ADAM22: variants seen among roughly 807,000 people sequenced by gnomAD.
ADAM22 encodes ADAM metallopeptidase domain 22.
ADAM22 carries 65 observed loss-of-function variants against 144.6 expected under a neutral mutation model. The observed-to-expected ratio is 0.45, with a 90% CI of 0.37 to 0.55. The LOEUF is 0.55. Ranked by LOEUF, ADAM22 falls within the 20% of genes least tolerant of loss-of-function variation. The pLI is 0.00. For synonymous variants in ADAM22, 391 were observed against 412.6 expected (o/e 0.95, Z 0.63); for missense variants, 974 against 1,184.9 (o/e 0.82, Z 2.61).
At chr7:87,954,614 ATG>A (rs536427121) in intron 2 of ADAM22, among the ~76,000 whole-genome samples, 2 of 152,084 alleles carry the variant, frequency 1.3e-5, no homozygotes, top group South Asian at 4.2e-4. Context: ...TCTGACAATT[ATG>A]TGTCTTGGAG....
chr7:87,954,632 C>G (rs1846165060), intron 2 of ADAM22, among the ~76,000 whole-genome samples: 1 of 152,038 alleles, frequency 6.6e-6, no homozygotes, highest in South Asian at 2.1e-4. Context: ...TGGAGTTGCT[C>G]TTCTCGAGGA....
At position 88,114,656 on chromosome 7, in the gene ADAM22, T is replaced by C. The variant is rs1332642239; in HGVS notation, c.537+9T>C. On this transcript the variant is annotated intron_variant, in intron 6 of 31. Coordinates refer to ENST00000413139, the MANE Select transcript of ADAM22 (RefSeq NM_001324418.2). ...AAAATGACACTACTCAAGTAAGTGC[T>C]CCTTCTGTTTGTTGTGGCAAATGGA... 1 of 1,613,452 alleles carries C rather than the reference T, an allele frequency of 6.2e-7. No homozygotes were observed. The highest frequency in any genetic ancestry group is 8.5e-7 in the Non-Finnish European group (1 of 1,179,612).
At chr7:87,976,245 C>G (rs897280909) in intron 2 of ADAM22, among the ~76,000 whole-genome samples, 2 of 152,118 alleles carry the variant, frequency 1.3e-5, no homozygotes, top group Admixed American at 1.3e-4. Flanking sequence ...TATGCCCTCC[C>G]CACATTTAAA....
intron 2 of ADAM22, among the ~76,000 whole-genome samples, chr7:87,946,190 G>A (rs1435984705): frequency 6.6e-6 from 1 of 152,050 alleles, no homozygotes; most frequent in East Asian, 1.9e-4. Flanking sequence ...CTTTTGAGGA[G>A]TGTCTATGTC....
At chr7:88,064,561 C>T (rs1239261878) in intron 3 of ADAM22, among the ~76,000 whole-genome samples, 3 of 152,130 alleles carry the variant, frequency 2.0e-5, no homozygotes, top group African/African-American at 7.2e-5. Flanking sequence ...GATCAAGGCA[C>T]TGGCAGATTC....
At chr7:88,168,085 C>T (rs572015941) in intron 24 of ADAM22, 52 bp from the exon 25 acceptor site, 21 of 1,504,148 alleles carry the variant, frequency 1.4e-5, no homozygotes, top group African/African-American at 2.8e-5. Context: ...AATAAAGTTT[C>T]TGAAAGGATT....
chr7:88,053,610 AAGAAAGAAAG>A (rs1250745755), intron 3 of ADAM22, among the ~76,000 whole-genome samples: 1 of 109,896 alleles, frequency 9.1e-6, no homozygotes, highest in Non-Finnish European at 2.1e-5. Flanking sequence ...GAAAGAAAGA[AAGAAAGAAAG>A]AAAGAAAGAA....
chr7:88,195,192 ATTTG>A (rs778444659), intron 31 of ADAM22, among the ~76,000 whole-genome samples: 8 of 152,112 alleles, frequency 5.3e-5, no homozygotes, highest in African/African-American at 7.2e-5. Flanking sequence ...CATAGGCTTT[ATTTG>A]TTTATGTTTA....
At chr7:88,142,968 C>T in intron 14 of ADAM22, 58 bp from the exon 15 acceptor site, 2 of 1,065,336 alleles carry the variant, frequency 1.9e-6, no homozygotes, top group Non-Finnish European at 2.9e-6. Context: ...AGTTTTCAGA[C>T]ATTCACAAAT....
Position 87,958,199 on chromosome 7 carries a change from T to A in ADAM22, c.247-20137T>A, listed in dbSNP as rs1847233121. On this transcript the variant is annotated intron_variant, in intron 2 of 31. Coordinates refer to ENST00000413139, the MANE Select transcript of ADAM22 (RefSeq NM_001324418.2). ...GACATTGGCATGAGTTTCTATGGAGTATATATTTGGAAGTGAAATTGTTGA... is the reference window on the plus strand; with the variant it reads ...GACATTGGCATGAGTTTCTATGGAGAATATATTTGGAAGTGAAATTGTTGA... 2.0e-5 allele frequency among the ~76,000 whole-genome samples: 3 copies of A among 152,116 alleles called. 1 individual carries two copies.
chr7:88,113,440 A>G (rs1826597141), intron 5 of ADAM22, among the ~76,000 whole-genome samples: 1 of 150,562 alleles, frequency 6.6e-6, no homozygotes, highest in African/African-American at 2.4e-5. Context: ...TTATTGTAAC[A>G]TAGTATCTGG....
At chr7:87,952,756 T>C (rs572859530) in intron 2 of ADAM22, among the ~76,000 whole-genome samples, 1 of 152,340 alleles carries the variant, frequency 6.6e-6, no homozygotes, top group East Asian at 1.9e-4. Flanking sequence ...AATTCGGCTG[T>C]GAATCCATCT....
At chr7:88,181,653 T>A (rs1847051608) in intron 28 of ADAM22, 48 bp downstream of exon 28, 1 of 1,490,164 alleles carries the variant, frequency 6.7e-7, no homozygotes, top group Non-Finnish European at 9.3e-7. Flanking sequence ...TCAAGTTCTA[T>A]ATTCTGTGGC....
In ADAM22 at chr7:87,939,267, A is replaced by G. The variant is rs374527749; in HGVS notation, c.246+4081A>G. Among the ~76,000 whole-genome samples, 6 of 152,374 alleles carry G rather than the reference A, an allele frequency of 3.9e-5. No homozygotes were observed. In the East Asian group the frequency reaches 7.7e-4, roughly 20 times the overall value. ...ATATCCAACCAAAGAGGCAGTAAGT[A>G]CATAGGTACATGGGAATCAGGGTAT... On this transcript the variant is annotated intron_variant, in intron 2 of 31. Transcript: ENST00000413139.
chr7:87,960,920 C>T (rs1046557388), intron 2 of ADAM22, among the ~76,000 whole-genome samples: 3 of 152,052 alleles, frequency 2.0e-5, no homozygotes, highest in African/African-American at 7.2e-5. Flanking sequence ...TGTTCTGTGC[C>T]TTTGGGATAC....
chr7:88,044,780 C>T (rs947241954), intron 3 of ADAM22, among the ~76,000 whole-genome samples: 2 of 151,504 alleles, frequency 1.3e-5, no homozygotes, highest in Non-Finnish European at 2.9e-5. Context: ...GGCTGGAGTG[C>T]AGTGGCGCGA....
chr7:88,066,056 T>A (rs1378437006), intron 3 of ADAM22, among the ~76,000 whole-genome samples: 1 of 152,174 alleles, frequency 6.6e-6, no homozygotes, highest in Admixed American at 6.6e-5. Context: ...AAAAATTGCT[T>A]TATCAGAAGA....
intron 2 of ADAM22, among the ~76,000 whole-genome samples, chr7:87,944,453 C>T (rs1404671175): frequency 2.0e-5 from 3 of 152,150 alleles, no homozygotes; most frequent in African/African-American, 7.2e-5. Flanking sequence ...TTTGGGATAT[C>T]CTGTTAGTGT....
At chr7:88,112,605 ATCTG>A (rs1464121363) in intron 5 of ADAM22, among the ~76,000 whole-genome samples, 1 of 152,196 alleles carries the variant, frequency 6.6e-6, no homozygotes, top group African/African-American at 2.4e-5. Context: ...AGCTATCAGA[ATCTG>A]TCTGAGTGGG....
Sources: gnomAD v4.1 joint callset for allele counts (sites outside exome capture counted in the v4.1 genomes callset) on GRCh38, gnomAD v4.1.1 for gene constraint, MANE v1.5 for transcripts, NCBI Gene and HGNC (gene_info 2026-07-23, HGNC 2026-07-21) for gene names.